Variants in RAB33A observed in about 807,000 individuals in gnomAD.
RAB33A encodes the protein RAB33A, member RAS oncogene family.
Under a neutral mutation model 12.0 loss-of-function variants are expected in RAB33A, and 6 were observed. The observed-to-expected ratio is 0.50, with a 90% CI of 0.27 to 0.99. The LOEUF (loss-of-function observed/expected upper bound fraction) is 0.99. RAB33A is among the 50% of genes least tolerant of loss of function. The pLI is 0.11. For synonymous variants in RAB33A, 70 were observed against 82.4 expected, an observed-to-expected ratio of 0.85 and a Z score of 0.81; for missense variants, 109 against 192.0, an observed-to-expected ratio of 0.57 and a Z score of 2.55.
Position 130,172,139 on chromosome X carries a change from C to A in RAB33A, c.77C>A (p.Ser26Ter). The A allele has an allele frequency of 8.3e-7, 1 of 1,212,047 alleles. No individual in the cohort carries two copies. Among genetic ancestry groups the A allele is most frequent in the Non-Finnish European group, 1.1e-6 (1 of 895,459 alleles). Residue 26 changes from serine to a stop codon, truncating the protein, a stop_gained, in exon 1 of 2, where the codon TCG (serine) becomes TAG (stop). Transcript: ENST00000257017. LOFTEE classifies it high-confidence loss of function. ...GGCCTGGCGTCCCTGGAGCTCGACTCGTCGCTGGACCAGTACGTGCAGATT... is the reference window on the plus strand; with the variant it reads ...GGCCTGGCGTCCCTGGAGCTCGACTAGTCGCTGGACCAGTACGTGCAGATT... ...AAGLASLELD[S>*]SLDQYVQIRI... is the part of the protein sequence containing the mutation.
chrX:130,130,264 C>T, the RAB33A span: 3 of 986,750 alleles, frequency 3.0e-6, no homozygotes, highest in Non-Finnish European at 4.3e-6. Context: ...TCTTTCGAGG[C>T]CTGCTTCAAG....
chrX:130,161,412 G>A, the RAB33A span, among the ~76,000 whole-genome samples: 2 of 105,275 alleles, frequency 1.9e-5, no homozygotes, highest in Non-Finnish European at 3.9e-5. Context: ...TCGGGAGGCT[G>A]AGGCAGGAGA....
At chrX:130,137,734 C>T in the RAB33A span, 3 of 1,051,086 alleles carry the variant, frequency 2.9e-6, no homozygotes, top group Middle Eastern at 2.8e-4. Context: ...CTAAGGAGTC[C>T]TGGCATAGAG....
chrX:130,147,621 T>G, the RAB33A span: 10 of 1,210,588 alleles, frequency 8.3e-6, no homozygotes, highest in Non-Finnish European at 1.0e-5. Context: ...ATACAATCAG[T>G]ACCTTCAGAC....
At chrX:130,134,809 C>A in the RAB33A span, among the ~76,000 whole-genome samples, 1 of 111,809 alleles carries the variant, frequency 8.9e-6, no homozygotes, top group Non-Finnish European at 1.9e-5. Context: ...GAGTGAGCAA[C>A]CGTAAACTGT....
At chrX:130,174,370 G>A (rs947783828) in intron 1 of RAB33A, among the ~76,000 whole-genome samples, 5 of 112,177 alleles carry the variant, frequency 4.5e-5, no homozygotes, top group South Asian at 7.4e-4. Flanking sequence ...TCAGAGTGGC[G>A]TGTGGGAGTG....
At chrX:130,166,849 G>A in the RAB33A span, among the ~76,000 whole-genome samples, 1 of 111,685 alleles carries the variant, frequency 9.0e-6, no homozygotes, top group African/African-American at 3.3e-5. Context: ...TTCAACTTAC[G>A]GTTTTTTGAC....
the RAB33A span, among the ~76,000 whole-genome samples, chrX:130,121,616 G>A: frequency 8.9e-6 from 1 of 112,806 alleles, no homozygotes; most frequent in South Asian, 3.6e-4. Context: ...CGGTGGGGCA[G>A]CTGGGAGGGC....
At chrX:130,151,151 T>G in the RAB33A span, among the ~76,000 whole-genome samples, 2 of 107,960 alleles carry the variant, frequency 1.9e-5, no homozygotes, top group Non-Finnish European at 3.8e-5. Flanking sequence ...TCTTTTCTTT[T>G]TTTTTTTGAG....
At chrX:130,133,983 C>T in the RAB33A span, among the ~76,000 whole-genome samples, 158 of 110,632 alleles carry the variant, frequency 1.4e-3, no homozygotes, top group Non-Finnish European at 2.4e-3. Context: ...TGGCAAATGC[C>T]CGTAATCCCA....
At chrX:130,153,070 C>T in the RAB33A span, among the ~76,000 whole-genome samples, 3 of 108,938 alleles carry the variant, frequency 2.8e-5, no homozygotes, top group East Asian at 2.9e-4. Flanking sequence ...CGGTGGCTCA[C>T]GCCTGTAATC....
the RAB33A span, among the ~76,000 whole-genome samples, chrX:130,111,042 C>G: frequency 9.8e-6 from 1 of 101,644 alleles, no homozygotes; most frequent in Admixed American, 1.0e-4. Flanking sequence ...CGAGGCATCT[C>G]GGTGGAAACA....
At chrX:130,149,188 C>T in the RAB33A span, among the ~76,000 whole-genome samples, 2 of 111,555 alleles carry the variant, frequency 1.8e-5, no homozygotes, top group Admixed American at 1.9e-4. Flanking sequence ...TCACAAAGTG[C>T]TGGGATGACA....
chrX:130,147,346 TA>T, the RAB33A span: 1 of 708,044 alleles, frequency 1.4e-6, no homozygotes, highest in Non-Finnish European at 2.2e-6. Flanking sequence ...CTGTTATCTC[TA>T]AGCTGTACCA....
chrX:130,146,214 G>A, the RAB33A span, among the ~76,000 whole-genome samples: 1 of 111,612 alleles, frequency 9.0e-6, no homozygotes, highest in African/African-American at 3.3e-5. Flanking sequence ...AAGTTGGGAG[G>A]ATCACTTGAG....
rs776874454 is a variant in RAB33A, at chrX:130,172,152, G to T, written c.90G>T (p.Gln30His). 3 of 1,212,327 alleles carry T rather than the reference G, an allele frequency of 2.5e-6. No individual in the cohort carries two copies. In the Admixed American group the frequency reaches 6.5e-5, roughly 26 times the overall value. The change falls in exon 1 of 2, where the codon CAG becomes CAT. Residue 30 changes from glutamine to histidine, a missense_variant. By Grantham distance (24) the Gln-to-His change is conservative. Coordinates refer to ENST00000257017, the MANE Select transcript of RAB33A (RefSeq NM_004794.3). ...ASLELDSSLDQYVQIRIFKII... is the reference protein window; with the variant it reads ...ASLELDSSLDHYVQIRIFKII... ...TGGAGCTCGACTCGTCGCTGGACCA[G>T]TACGTGCAGATTCGCATCTTCAAAA...
chrX:130,171,858 A>T (rs2031610149), upstream of RAB33A: 4 of 411,062 alleles, frequency 9.7e-6, no homozygotes, highest in South Asian at 8.6e-5. Flanking sequence ...GCGCTGGAGG[A>T]GGAGGAGGGG....
chrX:130,136,679 A>G, the RAB33A span: 1 of 1,210,529 alleles, frequency 8.3e-7, no homozygotes, highest in South Asian at 1.8e-5. Flanking sequence ...GTAACTTGCC[A>G]CTGCTGACTC....
At chrX:130,169,053 A>G (rs1159309508), upstream of RAB33A, among the ~76,000 whole-genome samples, 1 of 109,540 alleles carries the variant, frequency 9.1e-6, no homozygotes, top group Non-Finnish European at 1.9e-5. Context: ...TAAAAATACA[A>G]AAAAATTAGC....
Sources: allele counts gnomAD v4.1 joint callset (sites outside exome capture counted in the v4.1 genomes callset), GRCh38; gene constraint gnomAD v4.1.1; transcripts MANE v1.5; gene names NCBI Gene and HGNC (gene_info 2026-07-23, HGNC 2026-07-21).